The following DENND4C variants were observed in gnomAD, a reference collection of about 807,000 sequenced individuals.
DENND4C encodes the protein DENN domain containing 4C.
Under a neutral mutation model 203.0 loss-of-function variants are expected in DENND4C, and 108 were observed. The observed-to-expected ratio is 0.53, with a 90% CI of 0.46 to 0.62. The LOEUF is 0.62. Ranked by LOEUF, DENND4C falls within the 20% of genes least tolerant of loss-of-function variation. The pLI, the probability that DENND4C is intolerant of heterozygous loss-of-function variation, is 0.00. For missense variants in DENND4C, 2,481 were observed against 2,301.2 expected (o/e 1.08, Z -1.60); for synonymous variants, 871 against 792.4 (o/e 1.10, Z -1.67).
intron 5 of DENND4C, among the ~76,000 whole-genome samples, chr9:19,295,780 G>C (rs1386766212): frequency 2.0e-5 from 3 of 151,556 alleles, no homozygotes; most frequent in Admixed American, 6.6e-5. Flanking sequence ...ATCCATTTTT[G>C]TATAAGATAC....
chr9:19,361,309 A>AAGT (rs1210131866), intron 29 of DENND4C, among the ~76,000 whole-genome samples: 1 of 152,202 alleles, frequency 6.6e-6, no homozygotes, highest in African/African-American at 2.4e-5. Flanking sequence ...CATACCTAAT[A>AAGT]AGTGATGGAG....
At chr9:19,336,980 G>T in intron 20 of DENND4C, 148 bp downstream of exon 20, 1 of 783,454 alleles carries the variant, frequency 1.3e-6, no homozygotes. Flanking sequence ...CGAGTCTGCA[G>T]ATGACTTCTG....
intron 22 of DENND4C, among the ~76,000 whole-genome samples, chr9:19,343,752 C>G (rs923808973): frequency 2.0e-5 from 3 of 152,190 alleles, no homozygotes; most frequent in Non-Finnish European, 4.4e-5. Flanking sequence ...GCTTAGAATC[C>G]TCTCAAAATA....
At chr9:19,337,970 A>G (rs1476542377) in intron 20 of DENND4C, among the ~76,000 whole-genome samples, 1 of 152,160 alleles carries the variant, frequency 6.6e-6, no homozygotes, top group Admixed American at 6.5e-5. Flanking sequence ...TTGAAGAATT[A>G]ATTGTTTCAG....
intron 1 of DENND4C, among the ~76,000 whole-genome samples, chr9:19,235,006 G>A (rs1478790009): frequency 6.7e-6 from 1 of 150,280 alleles, no homozygotes; most frequent in East Asian, 2.0e-4. Context: ...TTGTCACCGA[G>A]GCTGGAATGG....
chr9:19,346,057 T>C lies in DENND4C; in HGVS notation c.3288T>C (p.Phe1096=), dbSNP rs770462821. The C allele has an allele frequency of 3.1e-6, 5 of 1,614,198 alleles. No homozygotes were observed. The highest frequency in any genetic ancestry group is 1.7e-5 in the Admixed American group (1 of 60,028). ...ATTTTCCTGAGAGGAGTTGTAGTTT[T>C]AGTTCTGAAAGTCGAGCAGGAATGT... is the stretch of plus-strand genomic sequence containing the variant. ...QKHFPERSCS[F]SSESRAGMLL... The change falls in exon 23 of 33, where the codon TTT becomes TTC. Residue 1096 remains phenylalanine (F), a synonymous_variant. Transcript: ENST00000434457.
intron 1 of DENND4C, among the ~76,000 whole-genome samples, chr9:19,274,897 T>A (rs1832556024): frequency 6.6e-6 from 1 of 152,224 alleles, no homozygotes; most frequent in Admixed American, 6.5e-5. Context: ...TAAAAGAGAA[T>A]GATATTTTGA....
chr9:19,319,109 C>T (rs767866374), intron 12 of DENND4C, among the ~76,000 whole-genome samples: 13 of 150,696 alleles, frequency 8.6e-5, no homozygotes, highest in African/African-American at 3.2e-4. Context: ...GCAGAAGTTG[C>T]GGTGAGCCAA....
At chr9:19,343,877 A>T (rs909448529) in intron 22 of DENND4C, among the ~76,000 whole-genome samples, 8 of 152,168 alleles carry the variant, frequency 5.3e-5, no homozygotes, top group African/African-American at 1.4e-4. Flanking sequence ...AATTTTTTTT[A>T]AAAAACATTG....
At chr9:19,258,284 G>A (rs888373122) in intron 1 of DENND4C, among the ~76,000 whole-genome samples, 9 of 152,176 alleles carry the variant, frequency 5.9e-5, no homozygotes, top group African/African-American at 1.2e-4. Flanking sequence ...GTTTAAGGAA[G>A]AAATAACACC....
chr9:19,322,748 A>C (rs929539662), intron 12 of DENND4C, among the ~76,000 whole-genome samples: 1 of 151,232 alleles, frequency 6.6e-6, no homozygotes, highest in Non-Finnish European at 1.5e-5. Flanking sequence ...AAAAAAAAAA[A>C]AAATAAGGGG....
Position 19,374,141 on chromosome 9 carries a change from A to C in DENND4C, c.*1968A>C, listed in dbSNP as rs1333955771. 6.6e-6 allele frequency among the ~76,000 whole-genome samples: 1 copy of C among 152,216 alleles called. No individual in the cohort carries two copies. The highest frequency in any genetic ancestry group is 2.4e-5 in the African/African-American group (1 of 41,460). Reference sequence around the variant, plus strand: ...ATGAAAAATTGTTGTTTTCTGTTACATTAAGCCTCTTGAAATCTGTAATCT... The same window carrying C: ...ATGAAAAATTGTTGTTTTCTGTTACCTTAAGCCTCTTGAAATCTGTAATCT... On this transcript the variant is annotated 3_prime_UTR_variant, in exon 33 of 33. Transcript: ENST00000434457.
chr9:19,331,858 G>T, intron 16 of DENND4C, 120 bp from the exon 17 acceptor site: 1 of 876,936 alleles, frequency 1.1e-6, no homozygotes, highest in Non-Finnish European at 1.7e-6. Context: ...AGTCAACTTT[G>T]AAGTGCTTGA....
chr9:19,342,551 T>G, intron 21 of DENND4C, 82 bp from the exon 22 acceptor site: 1 of 1,386,250 alleles, frequency 7.2e-7, no homozygotes, highest in Non-Finnish European at 9.6e-7. Context: ...GAAAAATACA[T>G]ACAATATCTA....
chr9:19,345,660 G>A (rs182827006), intron 22 of DENND4C, among the ~76,000 whole-genome samples: 19 of 152,248 alleles, frequency 1.2e-4, no homozygotes, highest in Non-Finnish European at 1.9e-4. Flanking sequence ...TCTATCATAT[G>A]TTGCATGATT....
At chr9:19,251,898 G>T (rs1378099982) in intron 1 of DENND4C, among the ~76,000 whole-genome samples, 2 of 152,190 alleles carry the variant, frequency 1.3e-5, no homozygotes, top group Non-Finnish European at 2.9e-5. Context: ...TCTCTAGGGA[G>T]TTCCAAACTT....
At chr9:19,341,838 A>G (rs188311616) in intron 21 of DENND4C, among the ~76,000 whole-genome samples, 7 of 151,790 alleles carry the variant, frequency 4.6e-5, no homozygotes, top group South Asian at 2.1e-4. Flanking sequence ...AAAATAGTCT[A>G]TGTGGGCTGG....
Position 19,365,537 on chromosome 9 carries a change from G to A in DENND4C, c.5524+3574G>A, listed in dbSNP as rs1796942019. Among the ~76,000 whole-genome samples, 4 of 152,144 alleles carry A rather than the reference G, an allele frequency of 2.6e-5. 1 individual carries two copies. In the South Asian group the frequency reaches 8.3e-4, roughly 32 times the overall value. On this transcript the variant is annotated intron_variant, in intron 30 of 32. Coordinates refer to ENST00000434457, the MANE Select transcript of DENND4C (RefSeq NM_001330640.2). ...CATTCTACCAGAGGTTCTAGCTAGA[G>A]TAATTAGTCAAGAAAAGAAAAGGCA...
intron 1 of DENND4C, among the ~76,000 whole-genome samples, chr9:19,261,400 T>G (rs927784213): frequency 2.6e-5 from 4 of 152,066 alleles, no homozygotes; most frequent in African/African-American, 9.7e-5. Flanking sequence ...GAAAATGTCA[T>G]TGGTATTTTG....
Sources: allele counts gnomAD v4.1 joint callset (sites outside exome capture counted in the v4.1 genomes callset), GRCh38; gene constraint gnomAD v4.1.1; transcripts MANE v1.5; gene names NCBI Gene and HGNC (gene_info 2026-07-23, HGNC 2026-07-21).